The following PRKAG2 variants were observed in gnomAD, a reference collection of about 807,000 sequenced individuals.
The protein encoded by PRKAG2 is protein kinase AMP-activated non-catalytic subunit gamma 2.
Under a neutral mutation model 69.6 loss-of-function variants are expected in PRKAG2, and 26 were observed. The observed-to-expected ratio is 0.37, with a 90% CI of 0.27 to 0.52. The LOEUF (loss-of-function observed/expected upper bound fraction) is 0.52. PRKAG2 is among the 20% of genes least tolerant of loss of function. PRKAG2 has a pLI of 0.90. For missense variants in PRKAG2, 557 were observed against 740.0 expected, an observed-to-expected ratio of 0.75 and a Z score of 2.87; for synonymous variants, 293 against 285.0, an observed-to-expected ratio of 1.03 and a Z score of -0.28.
chr7:151,657,546 C>T (rs957522227), intron 4 of PRKAG2, among the ~76,000 whole-genome samples: 4 of 152,190 alleles, frequency 2.6e-5, no homozygotes, highest in Non-Finnish European at 5.9e-5. Flanking sequence ...CAATCATTTA[C>T]TAGTCATACA....
At chr7:151,692,428 T>C (rs150977234) in intron 3 of PRKAG2, among the ~76,000 whole-genome samples, 7 of 152,086 alleles carry the variant, frequency 4.6e-5, no homozygotes, top group African/African-American at 1.4e-4. Flanking sequence ...AAAAAGTCAG[T>C]GTTTGCTGAG....
rs904062066 is a variant in PRKAG2 at position 151,756,230 on chromosome 7, G to T, written c.466+24922C>A. 1.3e-5 allele frequency among the ~76,000 whole-genome samples: 2 copies of T among 152,166 alleles called. 1 individual carries two copies. The highest frequency in any genetic ancestry group is 2.9e-5 in the Non-Finnish European group (2 of 68,026). ...GTAAAATGACTCACGTACAGGTCAT[G>T]TGAGCAATGCCCCAGGAACACACAC... On this transcript the variant is annotated intron_variant, in intron 3 of 15. Transcript: ENST00000287878. The surrounding 1 kb of genome is among the most constrained non-coding windows in gnomAD (Gnocchi z 4.9).
intron 5 of PRKAG2, among the ~76,000 whole-genome samples, chr7:151,612,884 G>A (rs1359817388): frequency 1.3e-5 from 2 of 152,218 alleles, no homozygotes; most frequent in African/African-American, 2.4e-5. Flanking sequence ...GTCCCCTTGG[G>A]TGGGGCAGCG....
intron 3 of PRKAG2, among the ~76,000 whole-genome samples, chr7:151,745,882 G>A (rs746260477): frequency 3.9e-5 from 6 of 152,088 alleles, no homozygotes; most frequent in South Asian, 4.2e-4. Flanking sequence ...CCCTGCAGTC[G>A]CTCAGTGTCC....
chr7:151,795,890 T>TATATATATATATAAAA (rs1491286413), intron 1 of PRKAG2, among the ~76,000 whole-genome samples: 2 of 96,590 alleles, frequency 2.1e-5, no homozygotes, highest in African/African-American at 8.8e-5. Flanking sequence ...TATATATATA[T>TATATATATATATAAAA]CACGATAATA....
intron 1 of PRKAG2, among the ~76,000 whole-genome samples, chr7:151,873,339 ATCGCT>A (rs1212764969): frequency 6.6e-6 from 1 of 152,200 alleles, no homozygotes; most frequent in African/African-American, 2.4e-5. Flanking sequence ...GGCCACTGTC[ATCGCT>A]CCTTCTGCCT....
rs143674084 is a variant in PRKAG2, at chr7:151,612,407, A to G, written c.755-16953T>C. ...CTTGTCAACTCTAAAATCACACTGC[A>G]GAGACCTGCAGTGTGCCTCTCCCCT... On this transcript the variant is annotated intron_variant, in intron 5 of 15. Coordinates refer to ENST00000287878, the MANE Select transcript of PRKAG2 (RefSeq NM_016203.4). Among the ~76,000 whole-genome samples, 1,358 of 152,270 alleles carry G rather than the reference A, an allele frequency of 8.9e-3. 23 individuals are homozygous for G. The highest frequency in any genetic ancestry group is 0.03 in the African/African-American group (1,241 of 41,536).
rs533728443 is a variant in PRKAG2, at chr7:151,828,117, C to T, written c.115-41576G>A. Reference sequence around the variant, plus strand: ...ATTCACCCAGCAAGCACACAGCAAACGCCTGCTACCCAGGGGAGCCCCGAC... The same window carrying T: ...ATTCACCCAGCAAGCACACAGCAAATGCCTGCTACCCAGGGGAGCCCCGAC... On this transcript the variant is annotated intron_variant, in intron 1 of 15. Transcript: ENST00000287878. This position sits in a 1 kb window ranked among gnomAD's most constrained non-coding sequence, Gnocchi z 4.6. Among the ~76,000 whole-genome samples the T allele has an allele frequency of 6.6e-6, 1 of 152,358 alleles. No individual in the cohort carries two copies. The highest frequency in any genetic ancestry group is 2.4e-5 in the African/African-American group (1 of 41,592).
At chr7:151,678,692 C>T (rs1833346018) in intron 3 of PRKAG2, among the ~76,000 whole-genome samples, 1 of 152,240 alleles carries the variant, frequency 6.6e-6, no homozygotes, top group South Asian at 2.1e-4. Context: ...GGTGCAGTGG[C>T]TCATGCCTAT....
At chr7:151,727,378 T>C (rs1392578702) in intron 3 of PRKAG2, among the ~76,000 whole-genome samples, 1 of 151,894 alleles carries the variant, frequency 6.6e-6, no homozygotes, top group East Asian at 1.9e-4. Context: ...CATCCAGCCA[T>C]CGAGGTGGGG....
intron 1 of PRKAG2, among the ~76,000 whole-genome samples, chr7:151,827,770 A>C (rs1027157870): frequency 6.7e-6 from 1 of 149,890 alleles, no homozygotes; most frequent in African/African-American, 2.5e-5. Context: ...AAAAAAAAAA[A>C]AAAACTGCCT....
rs1306006963 is a variant in PRKAG2 at position 151,814,339 on chromosome 7, G to C, written c.115-27798C>G. On this transcript the variant is annotated intron_variant, in intron 1 of 15. Transcript: ENST00000287878. This position sits in a 1 kb window ranked among gnomAD's most constrained non-coding sequence, Gnocchi z 4.8. ...TTACACACCAAGGAGACAAAGCATC[G>C]TGAGGGGGAAAACCGCACACCCAGG... 2.5e-5 allele frequency: 26 copies of C among 1,029,374 alleles called. No individual in the cohort carries two copies. The South Asian group carries it at 1.2e-3, about 49-fold the overall frequency. The allele number at this position is 1,029,374 out of a possible 1,614,324, so 63.8% of individuals were successfully genotyped here. A position where few individuals can be genotyped will look rare whatever the true frequency, so the allele number is the denominator to read the frequency against.
chr7:151,859,319 G>A (rs755150149), intron 1 of PRKAG2, among the ~76,000 whole-genome samples: 2 of 152,242 alleles, frequency 1.3e-5, no homozygotes, highest in African/African-American at 4.8e-5. Flanking sequence ...TAGCGAAGGC[G>A]GAAAGCTGCG....
At chr7:151,790,165 G>A (rs1438070421) in intron 1 of PRKAG2, among the ~76,000 whole-genome samples, 1 of 152,104 alleles carries the variant, frequency 6.6e-6, no homozygotes, top group Non-Finnish European at 1.5e-5. Context: ...AGCAATGCAG[G>A]AATCACCCTG....
At chr7:151,861,020 G>A (rs1374143648) in intron 1 of PRKAG2, among the ~76,000 whole-genome samples, 1 of 152,156 alleles carries the variant, frequency 6.6e-6, no homozygotes, top group Non-Finnish European at 1.5e-5. Context: ...CAAGTTCCTG[G>A]CACGTGGACC....
intron 3 of PRKAG2, among the ~76,000 whole-genome samples, chr7:151,681,054 C>A (rs1179325462): frequency 3.9e-5 from 6 of 152,214 alleles, no homozygotes; most frequent in Non-Finnish European, 8.8e-5. Context: ...CTCCCCACCC[C>A]CTGCCGAGAG....
rs1371415847 is a variant in PRKAG2, at chr7:151,807,290, G to A, written c.115-20749C>T. ...CCACCAGCAGACCCATGGGATAGGG[G>A]AAGAAAAACAAGCAATCTACAGAAC... On this transcript the variant is annotated intron_variant, in intron 1 of 15. Coordinates refer to ENST00000287878, the MANE Select transcript of PRKAG2 (RefSeq NM_016203.4). This position sits in a 1 kb window ranked among gnomAD's most constrained non-coding sequence, Gnocchi z 4.4. The A allele has an allele frequency of 2.5e-6, 1 of 403,644 alleles. No individual in the cohort carries two copies. The highest frequency in any genetic ancestry group is 5.1e-6 in the Non-Finnish European group (1 of 197,574). The allele number at this position is 403,644 out of a possible 1,614,324, so 25.0% of individuals were successfully genotyped here.
intron 4 of PRKAG2, among the ~76,000 whole-genome samples, chr7:151,658,118 A>G (rs1829737923): frequency 6.6e-6 from 1 of 150,840 alleles, no homozygotes; most frequent in Non-Finnish European, 1.5e-5. Context: ...AGATTGCGCC[A>G]CTGTACTCCA....
chr7:151,759,331 C>T (rs1586333451), intron 3 of PRKAG2, among the ~76,000 whole-genome samples: 2 of 152,278 alleles, frequency 1.3e-5, no homozygotes, highest in Non-Finnish European at 2.9e-5. Flanking sequence ...AGAGCAGCAC[C>T]CCCGCAGCCC....
Sources: allele counts gnomAD v4.1 joint callset (sites outside exome capture counted in the v4.1 genomes callset), GRCh38; gene constraint gnomAD v4.1.1; non-coding constraint Gnocchi (gnomAD v3.1); transcripts MANE v1.5; gene names NCBI Gene and HGNC (gene_info 2026-07-23, HGNC 2026-07-21).